The following CACNB2 variants were observed in gnomAD, a reference collection of about 807,000 sequenced individuals.
The protein encoded by CACNB2 is voltage-dependent L-type calcium channel subunit beta-2.
CACNB2 carries 42 observed loss-of-function variants against 73.3 expected under a neutral mutation model. That is an observed-to-expected ratio of 0.57 (90% CI 0.45 to 0.74). The LOEUF (loss-of-function observed/expected upper bound fraction) is 0.74, where lower values mean the gene tolerates loss of function less well. Among genes scored for constraint, CACNB2 ranks in the 30% least tolerant of loss-of-function variants. CACNB2 has a pLI of 0.00. For synonymous variants in CACNB2, 348 were observed against 310.3 expected (o/e 1.12, Z -1.28); for missense variants, 940 against 853.0 (o/e 1.10, Z -1.27).
intron 2 of CACNB2, among the ~76,000 whole-genome samples, chr10:18,309,260 G>C (rs2039866120): frequency 6.7e-6 from 1 of 150,068 alleles, no homozygotes; most frequent in South Asian, 2.1e-4. Flanking sequence ...TTCAGAAACA[G>C]AGAGGGAGAC....
rs74117984 is a variant in CACNB2 at position 18,402,813 on chromosome 10, C to T, written c.333+770C>T. ...GGATACTCAGTCACTTCTCAATGAACCTATTTTAACATGGTTGTTGATTTT... is the reference window on the plus strand; with the variant it reads ...GGATACTCAGTCACTTCTCAATGAATCTATTTTAACATGGTTGTTGATTTT... On this transcript the variant is annotated intron_variant, in intron 3 of 13. Transcript: ENST00000324631. Among the ~76,000 whole-genome samples, 1,124 of 152,234 alleles carry T rather than the reference C, an allele frequency of 7.4e-3. 15 individuals are homozygous for T. The highest frequency in any genetic ancestry group is 0.025 in the African/African-American group (1,030 of 41,528).
intron 2 of CACNB2, among the ~76,000 whole-genome samples, chr10:18,282,351 G>T (rs1012345494): frequency 1.3e-5 from 2 of 152,198 alleles, no homozygotes; most frequent in Admixed American, 6.5e-5. Flanking sequence ...AGAGGTGTCT[G>T]CTGCAAATCT....
intron 2 of CACNB2, among the ~76,000 whole-genome samples, chr10:18,248,532 A>AAAGAAAAATTGAGATTTTC (rs1455476712): frequency 6.6e-6 from 1 of 152,214 alleles, no homozygotes; most frequent in African/African-American, 2.4e-5. Flanking sequence ...TCCAATAGGA[A>AAAGAAAAATTGAGATTTTC]AAGAAAAATT....
intron 1 of CACNB2, 137 bp downstream of exon 1, chr10:18,140,993 C>T (rs1348259294): frequency 6.6e-7 from 1 of 1,523,048 alleles, no homozygotes; most frequent in Non-Finnish European, 8.8e-7. Context: ...ACCCTCTGCT[C>T]CTCTCCTGGC....
chr10:18,437,489 C>T (rs6482438), intron 3 of CACNB2, among the ~76,000 whole-genome samples: 127,615 of 152,228 alleles, frequency 0.84, 53,833 homozygotes, highest in African/African-American at 0.94. Flanking sequence ...TACTGCATAC[C>T]GTCTCCACAG....
chr10:18,447,115 G>A (rs929134403), intron 3 of CACNB2, among the ~76,000 whole-genome samples: 3 of 151,990 alleles, frequency 2.0e-5, no homozygotes, highest in African/African-American at 7.2e-5. Context: ...AAGGATCTAG[G>A]ATTTTCTGGA....
intron 2 of CACNB2, among the ~76,000 whole-genome samples, chr10:18,304,587 CA>C (rs1315212466): frequency 1.3e-5 from 2 of 152,086 alleles, no homozygotes; most frequent in African/African-American, 4.8e-5. Context: ...GGTTGCCTGG[CA>C]ACCAGGCTTC....
chr10:18,531,453 AAT>A (rs2053020886), intron 10 of CACNB2, among the ~76,000 whole-genome samples: 1 of 152,180 alleles, frequency 6.6e-6, no homozygotes, highest in Admixed American at 6.5e-5. Flanking sequence ...TGCTATTGTG[AAT>A]AGTGCTGCAG....
At chr10:18,155,875 G>GGAGA (rs906198444) in intron 2 of CACNB2, among the ~76,000 whole-genome samples, 61 of 81,420 alleles carry the variant, frequency 7.5e-4, no homozygotes, top group Middle Eastern at 0.012. Flanking sequence ...AGAGAGAGAG[G>GGAGA]GAGAGAGAGA....
In CACNB2 at chr10:18,542,283, A is replaced by G. The variant is rs2054101278; in HGVS notation, c.*2559A>G. On this transcript the variant is annotated 3_prime_UTR_variant, in exon 14 of 14. Transcript: ENST00000324631. ...TTCGTTAATTAGCCCTACACTGTTTACATAAATTTATTTACTGAGTATAAA... is the reference window on the plus strand; with the variant it reads ...TTCGTTAATTAGCCCTACACTGTTTGCATAAATTTATTTACTGAGTATAAA... 6.6e-6 allele frequency: 1 copy of G among 152,228 alleles called. No individual in the cohort carries two copies. Among genetic ancestry groups the G allele is most frequent in the Admixed American group, 6.5e-5 (1 of 15,272 alleles). The allele number at this position is 152,228 out of a possible 1,614,324, so 9.4% of individuals were successfully genotyped here.
chr10:18,263,877 A>C (rs2037668941), intron 2 of CACNB2, among the ~76,000 whole-genome samples: 1 of 152,200 alleles, frequency 6.6e-6, no homozygotes, highest in African/African-American at 2.4e-5. Flanking sequence ...CATAAGCTTT[A>C]TTCTTGACAT....
At chr10:18,522,579 T>C (rs980449794) in intron 9 of CACNB2, among the ~76,000 whole-genome samples, 7 of 152,016 alleles carry the variant, frequency 4.6e-5, no homozygotes, top group Non-Finnish European at 8.8e-5. Flanking sequence ...GACAAGTCTT[T>C]TTAGTAAGTG....
chr10:18,425,670 A>C (rs1222921038), intron 3 of CACNB2, among the ~76,000 whole-genome samples: 1 of 152,132 alleles, frequency 6.6e-6, no homozygotes, highest in Admixed American at 6.6e-5. Flanking sequence ...CATGTCTCAA[A>C]ACAAAACAAA....
chr10:18,328,406 A>T (rs1200287600), intron 2 of CACNB2, among the ~76,000 whole-genome samples: 1 of 152,214 alleles, frequency 6.6e-6, no homozygotes, highest in Non-Finnish European at 1.5e-5. Flanking sequence ...GTTTAAAGCA[A>T]GAAGGAATGC....
chr10:18,145,960 T>TTCCTCCCTCCTCCC (rs1272014157), intron 1 of CACNB2, among the ~76,000 whole-genome samples: 2 of 152,090 alleles, frequency 1.3e-5, no homozygotes, highest in Non-Finnish European at 2.9e-5. Context: ...GGCCTCCTCC[T>TTCCTCCCTCCTCCC]TCCTCCCTCC....
At chr10:18,455,262 A>G (rs1171605909) in intron 3 of CACNB2, among the ~76,000 whole-genome samples, 1 of 152,184 alleles carries the variant, frequency 6.6e-6, no homozygotes, top group African/African-American at 2.4e-5. Flanking sequence ...GTTGACTCCA[A>G]GAGTGCTTGG....
intron 3 of CACNB2, among the ~76,000 whole-genome samples, chr10:18,416,190 C>G (rs932912812): frequency 1.3e-5 from 2 of 152,124 alleles, no homozygotes; most frequent in African/African-American, 4.8e-5. Flanking sequence ...TTTTTCCACT[C>G]TTTATCTCCA....
At chr10:18,437,729 G>C (rs560515464) in intron 3 of CACNB2, among the ~76,000 whole-genome samples, 2 of 152,282 alleles carry the variant, frequency 1.3e-5, no homozygotes, top group Admixed American at 6.5e-5. Context: ...CTGAGAGTCA[G>C]CCACAAGGTA....
At chr10:18,200,791 C>T (rs556808843) in intron 2 of CACNB2, among the ~76,000 whole-genome samples, 13 of 152,210 alleles carry the variant, frequency 8.5e-5, no homozygotes, top group African/African-American at 3.1e-4. Context: ...GCCCCCATTT[C>T]TTAAGTAAGA....
Sources: allele counts gnomAD v4.1 joint callset (sites outside exome capture counted in the v4.1 genomes callset), GRCh38; gene constraint gnomAD v4.1.1; transcripts MANE v1.5; gene names NCBI Gene and HGNC (gene_info 2026-07-23, HGNC 2026-07-21).